Variants in TAF3 observed in about 807,000 individuals in gnomAD.
TAF3 encodes TATA-box binding protein associated factor 3.
A neutral mutation model predicts 80.6 loss-of-function variants in TAF3; 7 were observed. The observed-to-expected ratio is 0.09, with a 90% confidence interval of 0.05 to 0.16. The LOEUF (loss-of-function observed/expected upper bound fraction) is 0.16. Among genes scored for constraint, TAF3 ranks in the 10% least tolerant of loss-of-function variants. TAF3 has a pLI of 1.00. For missense variants in TAF3, 921 were observed against 1,140.2 expected, an observed-to-expected ratio of 0.81 and a Z score of 2.77; for synonymous variants, 444 against 446.1, an observed-to-expected ratio of 1.00 and a Z score of 0.06.
At chr10:7,858,826 G>GCA (rs766922649) in intron 2 of TAF3, among the ~76,000 whole-genome samples, 3 of 84,136 alleles carry the variant, frequency 3.6e-5, no homozygotes, top group Admixed American at 1.3e-4. Context: ...GTGTGTGTGT[G>GCA]TGCGCGCGCC....
chr10:7,893,139 T>G (rs1276317469), intron 2 of TAF3, among the ~76,000 whole-genome samples: 1 of 152,154 alleles, frequency 6.6e-6, no homozygotes, highest in Middle Eastern at 3.2e-3. Context: ...TTTCTTAAAA[T>G]TTATTTTATA....
intron 2 of TAF3, among the ~76,000 whole-genome samples, chr10:7,900,459 G>C (rs10795571): frequency 0.24 from 36,048 of 152,014 alleles, 4,399 homozygotes; most frequent in Non-Finnish European, 0.25. Flanking sequence ...GCTACTCCTC[G>C]GTGGATGGCT....
intron 2 of TAF3, among the ~76,000 whole-genome samples, chr10:7,906,308 A>G (rs928704145): frequency 1.3e-5 from 2 of 152,208 alleles, no homozygotes; most frequent in African/African-American, 4.8e-5. Context: ...GATATCTGAT[A>G]ACGCCCACAT....
At chr10:7,909,944 G>A (rs1404653880) in intron 2 of TAF3, among the ~76,000 whole-genome samples, 4 of 152,048 alleles carry the variant, frequency 2.6e-5, no homozygotes, top group Admixed American at 2.6e-4. Context: ...ATGGCATAGT[G>A]ATTGCATATA....
At chr10:7,932,669 A>ATTTTTTTTTT (rs34907761) in intron 2 of TAF3, among the ~76,000 whole-genome samples, 2 of 78,810 alleles carry the variant, frequency 2.5e-5, no homozygotes, top group Non-Finnish European at 4.5e-5. Context: ...GTTCCACTTA[A>ATTTTTTTTTT]TTTTTTTTTT....
Position 7,965,536 on chromosome 10 carries a change from G to A in TAF3, c.2026G>A (p.Ala676Thr). 2 of 1,602,190 alleles carry A rather than the reference G, an allele frequency of 1.2e-6. No individual in the cohort carries two copies. Among genetic ancestry groups the A allele is most frequent in the Non-Finnish European group, 8.5e-7 (1 of 1,177,350 alleles). Residue 676 changes from alanine (A) to threonine (T), a missense_variant, in exon 3 of 7, where the codon GCC becomes ACC. Physicochemically the swap from Ala to Thr is moderately conservative, Grantham distance 58. Coordinates refer to ENST00000344293, the MANE Select transcript of TAF3 (RefSeq NM_031923.4). ...FSPATASRVP[A>T]MLPSLLPVLP... The stretch of plus-strand genomic sequence containing the variant: ...CCCTGCCACAGCCTCCAGGGTCCCA[G>A]CCATGCTGCCATCTTTGTTGCCAGT...
chr10:7,889,884 C>G (rs995895967), intron 2 of TAF3, among the ~76,000 whole-genome samples: 3 of 152,192 alleles, frequency 2.0e-5, no homozygotes, highest in Non-Finnish European at 4.4e-5. Flanking sequence ...TCTAATGCCA[C>G]AGGTCCTGTT....
intron 2 of TAF3, among the ~76,000 whole-genome samples, chr10:7,849,627 A>G (rs948581348): frequency 6.6e-6 from 1 of 151,470 alleles, no homozygotes; most frequent in Non-Finnish European, 1.5e-5. Context: ...ATTGCCCCCA[A>G]TTATCATATA....
chr10:7,903,206 GCAAGA>G (rs949394122), intron 2 of TAF3, among the ~76,000 whole-genome samples: 1 of 152,310 alleles, frequency 6.6e-6, no homozygotes, highest in Admixed American at 6.5e-5. Context: ...GGGCAACAGA[GCAAGA>G]CTCTATCTCA....
intron 2 of TAF3, among the ~76,000 whole-genome samples, chr10:7,939,381 C>T (rs940047827): frequency 6.6e-6 from 1 of 152,116 alleles, no homozygotes; most frequent in Non-Finnish European, 1.5e-5. Context: ...AAAATACATA[C>T]TGACAATAAC....
intron 2 of TAF3, among the ~76,000 whole-genome samples, chr10:7,921,689 T>C (rs780969796): frequency 2.4e-4 from 37 of 152,154 alleles, no homozygotes; most frequent in Non-Finnish European, 4.3e-4. Flanking sequence ...CTACAGAGAA[T>C]ATTTCAGGTA....
Position 7,934,283 on chromosome 10 carries a change from C to T in TAF3, c.410-29637C>T, listed in dbSNP as rs562799834. ...ATAAAATCCCTAAGTGATAAAAATG[C>T]ATTGTCAGAATTTAATTGGCAGGAG... On this transcript the variant is annotated intron_variant, in intron 2 of 6. Coordinates refer to ENST00000344293, the MANE Select transcript of TAF3 (RefSeq NM_031923.4). Among the ~76,000 whole-genome samples the T allele has an allele frequency of 5.9e-4, 89 of 152,074 alleles. 2 individuals carry two copies. Among genetic ancestry groups the T allele is most frequent in the Admixed American group, 4.8e-3 (73 of 15,270 alleles).
intron 2 of TAF3, among the ~76,000 whole-genome samples, chr10:7,875,909 T>C (rs1447464634): frequency 1.3e-5 from 2 of 152,064 alleles, no homozygotes; most frequent in African/African-American, 4.8e-5. Flanking sequence ...GTACGACTAA[T>C]TTTACCGACA....
chr10:7,978,138 T>G (rs1831691535), intron 4 of TAF3, among the ~76,000 whole-genome samples: 1 of 152,188 alleles, frequency 6.6e-6, no homozygotes, highest in Non-Finnish European at 1.5e-5. Flanking sequence ...ACTTTTCCCA[T>G]TAAGCCTGAA....
intron 2 of TAF3, among the ~76,000 whole-genome samples, chr10:7,839,529 G>A (rs973302534): frequency 1.1e-4 from 16 of 152,210 alleles, no homozygotes; most frequent in African/African-American, 3.9e-4. Flanking sequence ...CGAAGTGATA[G>A]AGGTGACAGT....
intron 4 of TAF3, among the ~76,000 whole-genome samples, chr10:7,987,377 C>G (rs754697400): frequency 2.0e-5 from 3 of 152,100 alleles, no homozygotes; most frequent in Non-Finnish European, 4.4e-5. Flanking sequence ...AGCTTATCCC[C>G]TCCCCTCTAA....
At chr10:7,850,485 G>A (rs1837016050) in intron 2 of TAF3, among the ~76,000 whole-genome samples, 1 of 152,078 alleles carries the variant, frequency 6.6e-6, no homozygotes, top group Non-Finnish European at 1.5e-5. Context: ...AGACCAGCCT[G>A]GCCAACATGG....
intron 2 of TAF3, among the ~76,000 whole-genome samples, chr10:7,917,270 C>G (rs1837720104): frequency 6.6e-6 from 1 of 152,176 alleles, no homozygotes; most frequent in African/African-American, 2.4e-5. Context: ...AGAGGAGTTG[C>G]AGTTGGTGGA....
intron 1 of TAF3, among the ~76,000 whole-genome samples, chr10:7,823,945 TAAAAAA>T (rs201897666): frequency 3.5e-5 from 5 of 144,140 alleles, no homozygotes; most frequent in Non-Finnish European, 7.6e-5. Flanking sequence ...TGCCATCTCT[TAAAAAA>T]AAAAAAAAAG....
Sources: allele counts gnomAD v4.1 joint callset (sites outside exome capture counted in the v4.1 genomes callset), GRCh38; gene constraint gnomAD v4.1.1; transcripts MANE v1.5; gene names NCBI Gene and HGNC (gene_info 2026-07-23, HGNC 2026-07-21).